FMN2: variants seen among roughly 807,000 people sequenced by gnomAD.
The protein encoded by FMN2 is formin-2.
FMN2 carries 51 observed loss-of-function variants against 142.3 expected under a neutral mutation model. The ratio of observed to expected loss-of-function variants is 0.36; its 90% confidence interval spans 0.29 to 0.45. FMN2 has a LOEUF of 0.45. Among genes scored for constraint, FMN2 ranks in the 20% least tolerant of loss-of-function variants. The probability of loss-of-function intolerance (pLI) is 1.00; values close to 1 mark genes in which losing one functional copy is unlikely to be tolerated. For missense variants in FMN2, 1,936 were observed against 2,122.8 expected (o/e 0.91, Z 1.73); for synonymous variants, 882 against 869.8 (o/e 1.01, Z -0.25).
chr1:240,323,179 T>C (rs1196550514), intron 8 of FMN2, among the ~76,000 whole-genome samples: 1 of 150,364 alleles, frequency 6.7e-6, no homozygotes, highest in East Asian at 1.9e-4. Flanking sequence ...TTCTCTCTCT[T>C]TTCTTTTCTT....
chr1:240,119,261 G>A (rs1428069110), intron 1 of FMN2, among the ~76,000 whole-genome samples: 4 of 151,636 alleles, frequency 2.6e-5, no homozygotes, highest in African/African-American at 4.8e-5. Context: ...CCTGGGAGGC[G>A]GAGGTTGCAG....
At chr1:240,172,369 GT>G (rs1220821826) in intron 2 of FMN2, among the ~76,000 whole-genome samples, 19 of 152,280 alleles carry the variant, frequency 1.2e-4, no homozygotes, top group Admixed American at 9.8e-4. Context: ...TTTAGTGCTG[GT>G]TAAGTAGAGA....
chr1:240,346,673 C>G (rs546664685), intron 13 of FMN2, among the ~76,000 whole-genome samples: 49 of 152,122 alleles, frequency 3.2e-4, no homozygotes, highest in Non-Finnish European at 5.6e-4. Context: ...GTTATGTATG[C>G]TCCGTAGTAC....
intron 2 of FMN2, among the ~76,000 whole-genome samples, chr1:240,128,685 A>G (rs1157914078): frequency 6.6e-6 from 1 of 152,192 alleles, no homozygotes; most frequent in Non-Finnish European, 1.5e-5. Context: ...AAGACAAGGA[A>G]GACATAACAA....
Position 240,333,943 on chromosome 1 carries a change from T to G in FMN2, c.4641T>G (p.Asp1547Glu). 1 of 1,609,064 alleles carries G rather than the reference T, an allele frequency of 6.2e-7. No homozygotes were observed. Among genetic ancestry groups the G allele is most frequent in the Non-Finnish European group, 8.5e-7 (1 of 1,177,576 alleles). Residue 1547 changes from aspartate (D) to glutamate (E), a missense_variant, in exon 12 of 18, where the codon GAT (aspartate) becomes GAG (glutamate). Coordinates refer to ENST00000319653, the MANE Select transcript of FMN2 (RefSeq NM_020066.5). ...YIVSYYLRNF[D>E]EDAGKEQCLF... ...TTTCGTATTATCTCCGAAATTTTGATGAGGTAAGACAATTTTTACATATAG... is the reference window on the plus strand; with the variant it reads ...TTTCGTATTATCTCCGAAATTTTGAGGAGGTAAGACAATTTTTACATATAG...
At chr1:240,422,725 C>T (rs1471188406) in intron 15 of FMN2, among the ~76,000 whole-genome samples, 1 of 152,080 alleles carries the variant, frequency 6.6e-6, no homozygotes, top group Non-Finnish European at 1.5e-5. Context: ...ATGTGTATAT[C>T]TTTTATTTCC....
chr1:240,392,653 T>C, intron 15 of FMN2, 91 bp downstream of exon 15: 1 of 1,020,546 alleles, frequency 9.8e-7, no homozygotes, highest in African/African-American at 1.6e-5. Flanking sequence ...TCAATTTTAA[T>C]TTTCAAGCAT....
At chr1:240,103,933 G>T (rs1021792182) in intron 1 of FMN2, among the ~76,000 whole-genome samples, 2 of 151,762 alleles carry the variant, frequency 1.3e-5, no homozygotes, top group Non-Finnish European at 2.9e-5. Flanking sequence ...CTGGAGTGCA[G>T]TGGTGCGATC....
chr1:240,457,138 A>G (rs924789711), intron 16 of FMN2, among the ~76,000 whole-genome samples: 2 of 152,148 alleles, frequency 1.3e-5, no homozygotes, highest in East Asian at 1.9e-4. Context: ...CAAAGTTGGC[A>G]GGCCAGACCC....
intron 14 of FMN2, among the ~76,000 whole-genome samples, chr1:240,373,389 T>C (rs1448809513): frequency 1.3e-5 from 2 of 152,152 alleles, no homozygotes; most frequent in African/African-American, 2.4e-5. Context: ...TCACTAAATA[T>C]TTCTATATAG....
chr1:240,314,212 A>G (rs140227444), intron 8 of FMN2, among the ~76,000 whole-genome samples: 22 of 152,268 alleles, frequency 1.4e-4, no homozygotes, highest in African/African-American at 5.1e-4. Context: ...ACACATCATA[A>G]GGCACTTTAA....
In FMN2 at chr1:240,208,494, C is replaced by G. The variant is rs554710810; in HGVS notation, c.3682C>G (p.Pro1228Ala). Residue 1228 changes from proline to alanine, a missense_variant, in exon 5 of 18, where the codon CCT (proline) becomes GCT (alanine). Physicochemically the swap from Pro to Ala is conservative, Grantham distance 27. This residue lies in a region of FMN2 where 259 missense variants were observed against 230.9 expected (regional missense o/e 1.12). Coordinates refer to ENST00000319653, the MANE Select transcript of FMN2 (RefSeq NM_020066.5). The stretch of plus-strand genomic sequence containing the variant: ...TGCTCCAGCTCCCCCACTCCCTCCA[C>G]CTGGGACAGGAATCCCACCGCCCCC... ...PPAPAPPLPP[P>A]GTGIPPPPLL... 38 of 1,611,298 alleles carry G rather than the reference C, an allele frequency of 2.4e-5. No individual in the cohort carries two copies. Among genetic ancestry groups the G allele is most frequent in the Non-Finnish European group, 2.0e-5 (23 of 1,179,094 alleles).
intron 15 of FMN2, among the ~76,000 whole-genome samples, chr1:240,428,091 C>G (rs966016890): frequency 2.0e-5 from 3 of 152,122 alleles, no homozygotes; most frequent in African/African-American, 7.2e-5. Context: ...AAATAATGAG[C>G]GGTGTCGCTA....
At chr1:240,201,543 C>CA (rs1666121996) in intron 4 of FMN2, among the ~76,000 whole-genome samples, 1 of 151,904 alleles carries the variant, frequency 6.6e-6, no homozygotes, top group South Asian at 2.1e-4. Flanking sequence ...TCAAATACTA[C>CA]AAAAAAGGAC....
In FMN2 at chr1:240,330,589, A is replaced by G. The variant is rs746812015; in HGVS notation, c.4438-14A>G. 6.2e-7 allele frequency: 1 copy of G among 1,604,082 alleles called. No individual in the cohort carries two copies. The highest frequency in any genetic ancestry group is 8.5e-7 in the Non-Finnish European group (1 of 1,177,538). On this transcript the variant is annotated splice_polypyrimidine_tract_variant and intron_variant, in intron 10 of 17. Coordinates refer to ENST00000319653, the MANE Select transcript of FMN2 (RefSeq NM_020066.5). Reference sequence around the variant, plus strand: ...AAGATAAAAGTTGTTTTTTGTTGTTATTCTGTTTTACAGACATTAAAAAAT... The same window carrying G: ...AAGATAAAAGTTGTTTTTTGTTGTTGTTCTGTTTTACAGACATTAAAAAAT...
At chr1:240,278,964 T>A (rs1389478360) in intron 7 of FMN2, among the ~76,000 whole-genome samples, 1 of 152,166 alleles carries the variant, frequency 6.6e-6, no homozygotes, top group African/African-American at 2.4e-5. Flanking sequence ...AGTCCAGTTA[T>A]TTGAATGGAA....
intron 16 of FMN2, among the ~76,000 whole-genome samples, chr1:240,441,998 G>T (rs1416290641): frequency 6.6e-6 from 1 of 152,160 alleles, no homozygotes; most frequent in African/African-American, 2.4e-5. Flanking sequence ...CCTCAGAAGG[G>T]CAAGAGTGGA....
At chr1:240,450,466 G>T (rs10754705) in intron 16 of FMN2, among the ~76,000 whole-genome samples, 135,564 of 152,280 alleles carry the variant, frequency 0.89, 60,443 homozygotes, top group Admixed American at 0.95. Context: ...GAACACTTTA[G>T]GTAATCAACC....
chr1:240,424,545 G>T (rs563546226), intron 15 of FMN2, among the ~76,000 whole-genome samples: 10 of 152,320 alleles, frequency 6.6e-5, no homozygotes, highest in African/African-American at 1.9e-4. Flanking sequence ...ATGAAGAATA[G>T]ATTCCTTGTC....
Sources: gnomAD v4.1 joint callset for allele counts (sites outside exome capture counted in the v4.1 genomes callset) on GRCh38, gnomAD v4.1.1 for gene constraint, gnomAD v4.1.1 regional missense constraint, MANE v1.5 for transcripts, NCBI Gene and HGNC (gene_info 2026-07-23, HGNC 2026-07-21) for gene names.